The following KLHL1 variants were observed in gnomAD, a reference collection of about 807,000 sequenced individuals.
KLHL1 encodes the protein kelch-like protein 1.
In KLHL1, 47 loss-of-function variants were observed where a neutral mutation model predicts 77.7. The ratio of observed to expected loss-of-function variants is 0.60; its 90% CI spans 0.48 to 0.77. The LOEUF (loss-of-function observed/expected upper bound fraction) is 0.77. KLHL1 is among the 30% of genes least tolerant of loss of function. The pLI, the probability that KLHL1 is intolerant of heterozygous loss-of-function variation, is 0.00. For synonymous variants in KLHL1, 360 were observed against 325.2 expected, an observed-to-expected ratio of 1.11 and a Z score of -1.15; for missense variants, 925 against 910.8, an observed-to-expected ratio of 1.02 and a Z score of -0.20.
intron 1 of KLHL1, among the ~76,000 whole-genome samples, chr13:69,987,516 T>G (rs1055881801): frequency 2.6e-5 from 4 of 151,472 alleles, no homozygotes; most frequent in African/African-American, 9.7e-5. Flanking sequence ...AACTTTAATC[T>G]AGGTCAAAGG....
intron 5 of KLHL1, among the ~76,000 whole-genome samples, chr13:69,846,870 G>C (rs1566319253): frequency 7.3e-4 from 1 of 1,362 alleles, no homozygotes; most frequent in Non-Finnish European, 4.3e-3. Context: ...CATAAATTAT[G>C]ATGCTAAAGG....
At chr13:70,107,046 T>C (rs1481150343) in intron 1 of KLHL1, among the ~76,000 whole-genome samples, 157 bp downstream of exon 1, 1 of 152,202 alleles carries the variant, frequency 6.6e-6, no homozygotes, top group Non-Finnish European at 1.5e-5. Context: ...AGCAAACTTG[T>C]AATGAAATTA....
At chr13:69,811,205 G>T (rs1354450144) in intron 6 of KLHL1, among the ~76,000 whole-genome samples, 1 of 151,910 alleles carries the variant, frequency 6.6e-6, no homozygotes, top group South Asian at 2.1e-4. Context: ...CACCTGATGA[G>T]CATAGAAACA....
At chr13:70,093,244 T>C (rs1887710745) in intron 1 of KLHL1, among the ~76,000 whole-genome samples, 1 of 151,922 alleles carries the variant, frequency 6.6e-6, no homozygotes, top group Non-Finnish European at 1.5e-5. Context: ...GTGAGGGAAA[T>C]AGGAAAATCA....
chr13:69,720,126 C>G lies in KLHL1; in HGVS notation c.1803-545G>C, dbSNP rs368079197. 1.4e-4 allele frequency among the ~76,000 whole-genome samples: 21 copies of G among 152,084 alleles called. No individual in the cohort carries two copies. In the East Asian group the frequency reaches 3.1e-3, roughly 22 times the overall value. ...GCCTATACTATAGCTAAAAACAAGA[C>G]TTTACAGGAAAAAAGAATGCAACAA... On this transcript the variant is annotated intron_variant, in intron 8 of 10. Coordinates refer to ENST00000377844, the MANE Select transcript of KLHL1 (RefSeq NM_020866.3).
intron 4 of KLHL1, among the ~76,000 whole-genome samples, chr13:69,914,798 G>A (rs1882365984): frequency 6.6e-6 from 1 of 152,062 alleles, no homozygotes; most frequent in Non-Finnish European, 1.5e-5. Context: ...GTAAGCATGG[G>A]TCAATCATTT....
intron 1 of KLHL1, among the ~76,000 whole-genome samples, chr13:70,063,293 T>G (rs1886934119): frequency 6.6e-6 from 1 of 152,124 alleles, no homozygotes; most frequent in Non-Finnish European, 1.5e-5. Flanking sequence ...AGGGAGCCCC[T>G]CCACAGACTG....
intron 1 of KLHL1, among the ~76,000 whole-genome samples, chr13:69,977,846 T>G (rs1884590482): frequency 6.6e-6 from 1 of 152,168 alleles, no homozygotes; most frequent in African/African-American, 2.4e-5. Flanking sequence ...TTGATATTAT[T>G]TCCAGAAGAT....
chr13:69,765,549 T>A lies in KLHL1; in HGVS notation c.1640-24993A>T, dbSNP rs143595428. On this transcript the variant is annotated intron_variant, in intron 7 of 10. Coordinates refer to ENST00000377844, the MANE Select transcript of KLHL1 (RefSeq NM_020866.3). ...ACTCTTATCTTTAATTCCTACAATGTCCGTGTCACAATGTCCATGTCACAG... is the reference window on the plus strand; with the variant it reads ...ACTCTTATCTTTAATTCCTACAATGACCGTGTCACAATGTCCATGTCACAG... Among the ~76,000 whole-genome samples, 751 of 152,282 alleles carry A rather than the reference T, an allele frequency of 4.9e-3. 4 individuals are homozygous for A. Among genetic ancestry groups the A allele is most frequent in the African/African-American group, 0.017 (715 of 41,560 alleles).
chr13:69,940,301 C>G (rs1343970803), intron 3 of KLHL1, 65 bp from the exon 4 acceptor site: 2 of 1,216,846 alleles, frequency 1.6e-6, no homozygotes, highest in Non-Finnish European at 2.3e-6. Context: ...TATCATAACA[C>G]TACACAAAAC....
At chr13:70,025,527 A>C (rs1885919426) in intron 1 of KLHL1, among the ~76,000 whole-genome samples, 1 of 151,964 alleles carries the variant, frequency 6.6e-6, no homozygotes, top group Non-Finnish European at 1.5e-5. Context: ...GCTCTAGGGT[A>C]ATTGATTATG....
intron 1 of KLHL1, among the ~76,000 whole-genome samples, chr13:70,018,239 T>C (rs1885708794): frequency 6.6e-6 from 1 of 152,164 alleles, no homozygotes; most frequent in African/African-American, 2.4e-5. Flanking sequence ...CCCTATAATA[T>C]TGATTTTATT....
chr13:70,089,989 T>C (rs1211441954), intron 1 of KLHL1, among the ~76,000 whole-genome samples: 1 of 148,694 alleles, frequency 6.7e-6, no homozygotes. Context: ...ATTCATATTT[T>C]TACTGGCTTA....
At chr13:69,711,847 T>C (rs927784513) in intron 9 of KLHL1, among the ~76,000 whole-genome samples, 1 of 152,154 alleles carries the variant, frequency 6.6e-6, no homozygotes, top group African/African-American at 2.4e-5. Flanking sequence ...AGCATGTCAG[T>C]TGTTCTACAT....
At chr13:69,982,482 A>AATAAT (rs1566471023) in intron 1 of KLHL1, among the ~76,000 whole-genome samples, 59 of 136,534 alleles carry the variant, frequency 4.3e-4, no homozygotes, top group Non-Finnish European at 7.7e-4. Context: ...ATAATAATAA[A>AATAAT]ATAAAAAGCA....
intron 1 of KLHL1, among the ~76,000 whole-genome samples, chr13:70,102,500 T>A (rs1352197783): frequency 6.6e-6 from 1 of 152,100 alleles, no homozygotes; most frequent in African/African-American, 2.4e-5. Context: ...AAACACAATC[T>A]CCACCAAGGG....
At chr13:69,957,515 A>C (rs1037671030) in intron 3 of KLHL1, among the ~76,000 whole-genome samples, 3 of 151,786 alleles carry the variant, frequency 2.0e-5, no homozygotes, top group Non-Finnish European at 4.4e-5. Context: ...AGATAAATCC[A>C]TTGTAAGCTA....
intron 6 of KLHL1, among the ~76,000 whole-genome samples, chr13:69,822,912 T>C (rs1235894347): frequency 1.3e-5 from 2 of 152,036 alleles, no homozygotes; most frequent in African/African-American, 2.4e-5. Flanking sequence ...AATATACATG[T>C]GCAATTCAGT....
At chr13:69,707,894 A>T in intron 9 of KLHL1, 98 bp from the exon 10 acceptor site, 1 of 973,632 alleles carries the variant, frequency 1.0e-6, no homozygotes, top group Non-Finnish European at 1.5e-6. Context: ...GAAAAAGGAA[A>T]CTACCTTTTT....
Sources: allele counts gnomAD v4.1 joint callset (sites outside exome capture counted in the v4.1 genomes callset), GRCh38; gene constraint gnomAD v4.1.1; transcripts MANE v1.5; gene names NCBI Gene and HGNC (gene_info 2026-07-23, HGNC 2026-07-21).